The following TSPEAR variants were observed in gnomAD, a reference collection of about 807,000 sequenced individuals.
The protein encoded by TSPEAR is thrombospondin-type laminin G domain and EAR repeat-containing protein.
A neutral mutation model predicts 71.6 loss-of-function variants in TSPEAR; 69 were observed. The observed-to-expected ratio is 0.96, with a 90% CI of 0.79 to 1.18. TSPEAR has a LOEUF of 1.18. TSPEAR is among the 50% of genes most tolerant of loss of function. TSPEAR has a pLI of 0.00. For missense variants in TSPEAR, 971 were observed against 894.9 expected (o/e 1.09, Z -1.09); for synonymous variants, 402 against 387.2 (o/e 1.04, Z -0.45).
At chr21:44,674,132 G>A (rs1555946476) in intron 1 of TSPEAR, among the ~76,000 whole-genome samples, 4 of 133,946 alleles carry the variant, frequency 3.0e-5, no homozygotes, top group African/African-American at 8.6e-5. Flanking sequence ...AAAAAAAAAA[G>A]TAGAAAGATT....
At chr21:44,646,631 G>A (rs782102764) in intron 1 of TSPEAR, 4 of 1,613,202 alleles carry the variant, frequency 2.5e-6, no homozygotes, top group Non-Finnish European at 3.4e-6. Context: ...AGCCCCTGCT[G>A]CCAGGCGGCC....
chr21:44,568,005 T>C lies in TSPEAR; in HGVS notation c.83A>G (p.Asp28Gly). The change falls in exon 2 of 12, where the codon GAC becomes GGC. Residue 28 changes from aspartate (D) to glycine (G), a missense_variant and splice_region_variant. Asp to Gly is a moderately conservative substitution (Grantham distance 94). Transcript: ENST00000323084. The stretch of plus-strand genomic sequence containing the variant: ...CGCCAGGATGTCCAGGGGGCGCAGG[T>C]CTGTGGCAAAGAAATCACAGGTGGG... ...HGTQGWEPCT[D>G]LRPLDILAEV... 3 of 1,514,316 alleles carry C rather than the reference T, an allele frequency of 2.0e-6. No homozygotes were observed. The highest frequency in any genetic ancestry group is 8.9e-7 in the Non-Finnish European group (1 of 1,127,036). The allele number at this position is 1,514,316 out of a possible 1,614,324, so 93.8% of individuals were successfully genotyped here.
intron 1 of TSPEAR, chr21:44,702,280 C>T (rs1601582846): frequency 1.2e-6 from 2 of 1,608,526 alleles, no homozygotes; most frequent in Admixed American, 1.7e-5. Flanking sequence ...CTGCTGCGAG[C>T]CCCCCTGCTG....
rs61407657 is a variant in TSPEAR, at chr21:44,606,163, C to CAAAAAA, written c.83-38164_83-38159dup. 4.5e-3 allele frequency among the ~76,000 whole-genome samples: 321 copies of CAAAAAA among 70,920 alleles called. 5 individuals carry two copies. The highest frequency in any genetic ancestry group is 0.013 in the African/African-American group (304 of 23,370). 46.5% of individuals were successfully genotyped at this position (70,920 alleles called of 152,430 possible). A position where few individuals can be genotyped will look rare whatever the true frequency, so the allele number is the denominator to read the frequency against. On this transcript the variant is annotated intron_variant, in intron 1 of 11. Coordinates refer to ENST00000323084, the MANE Select transcript of TSPEAR (RefSeq NM_144991.3). Reference sequence around the variant, plus strand: ...CTGGCAACAGAGCAAGACCCTGGCTCAAAAAAAAAAAAAAAAAAAACTACA... The same window carrying CAAAAAA: ...CTGGCAACAGAGCAAGACCCTGGCTCAAAAAAAAAAAAAAAAAAAAAAAAAACTACA...
chr21:44,579,228 C>A (rs1170578337), intron 1 of TSPEAR, among the ~76,000 whole-genome samples: 23 of 152,122 alleles, frequency 1.5e-4, no homozygotes, highest in Admixed American at 1.2e-3. Flanking sequence ...CAGCCCAGGG[C>A]ACGGCAGCCA....
intron 1 of TSPEAR, among the ~76,000 whole-genome samples, chr21:44,678,283 G>A (rs1410910896): frequency 6.6e-6 from 1 of 152,062 alleles, no homozygotes; most frequent in Non-Finnish European, 1.5e-5. Context: ...ATTTGATCAT[G>A]AGGGCCATTT....
chr21:44,652,599 T>C (rs757657264), intron 1 of TSPEAR, among the ~76,000 whole-genome samples: 3 of 152,184 alleles, frequency 2.0e-5, no homozygotes, highest in Admixed American at 6.5e-5. Context: ...CGTTGAAAGA[T>C]ACTAGGTAGG....
intron 6 of TSPEAR, 71 bp from the exon 7 acceptor site, chr21:44,527,589 C>A (rs782799477): frequency 3.4e-5 from 51 of 1,485,828 alleles, no homozygotes; most frequent in Non-Finnish European, 4.6e-5. Context: ...CTCGCGGGAG[C>A]GCGATTCCCA....
At position 44,658,085 on chromosome 21, in the gene TSPEAR, A is replaced by C. The variant is rs782481307; in HGVS notation, c.82+53348T>G. On this transcript the variant is annotated intron_variant, in intron 1 of 11. Transcript: ENST00000323084. ...CGTGAGCTGCCAGTCCTCCGTGTGC[A>C]TGCCCGTGAGCTGCACGCGCATTGT... The C allele has an allele frequency of 1.2e-6, 2 of 1,613,548 alleles. No individual in the cohort carries two copies. The highest frequency in any genetic ancestry group is 2.2e-5 in the South Asian group (2 of 91,020).
At chr21:44,697,774 C>T (rs543873004) in intron 1 of TSPEAR, 10 of 1,613,916 alleles carry the variant, frequency 6.2e-6, no homozygotes, top group Non-Finnish European at 8.5e-6. Flanking sequence ...GCTGCAGACC[C>T]TCCTCCTCCG....
intron 1 of TSPEAR, chr21:44,601,900 G>T: frequency 1.0e-6 from 1 of 995,050 alleles, no homozygotes; most frequent in South Asian, 1.8e-5. Flanking sequence ...CAGCTCAGCT[G>T]TTTCTCCAAG....
rs1009633920 is a variant in TSPEAR at position 44,610,820 on chromosome 21, A to G, written c.83-42815T>C. On this transcript the variant is annotated intron_variant, in intron 1 of 11. Coordinates refer to ENST00000323084, the MANE Select transcript of TSPEAR (RefSeq NM_144991.3). Reference sequence around the variant, plus strand: ...GGGTGGAGCTGTCCGAGACCATGGGAACCCACCTCTTGCATCATTATGACC... The same window carrying G: ...GGGTGGAGCTGTCCGAGACCATGGGGACCCACCTCTTGCATCATTATGACC... 2.0e-5 allele frequency among the ~76,000 whole-genome samples: 3 copies of G among 152,206 alleles called. No individual in the cohort carries two copies. The South Asian group carries it at 6.2e-4, about 31-fold the overall frequency.
intron 1 of TSPEAR, among the ~76,000 whole-genome samples, chr21:44,613,273 A>G (rs1371444069): frequency 3.9e-5 from 6 of 152,162 alleles, no homozygotes; most frequent in African/African-American, 1.4e-4. Context: ...TCCAGCCATG[A>G]CCGTTTCTAG....
At chr21:44,524,812 A>C (rs1250447996) in intron 8 of TSPEAR, among the ~76,000 whole-genome samples, 1 of 150,426 alleles carries the variant, frequency 6.6e-6, no homozygotes, top group Non-Finnish European at 1.5e-5. Flanking sequence ...ATTCAGATAG[A>C]CAGTCAGGTA....
At chr21:44,659,281 TCCTAA>T (rs1985352729) in intron 1 of TSPEAR, among the ~76,000 whole-genome samples, 1 of 138,354 alleles carries the variant, frequency 7.2e-6, no homozygotes, top group African/African-American at 2.8e-5. Flanking sequence ...CCACCCCTCA[TCCTAA>T]GCACAAGCAC....
rs150335415 is a variant in TSPEAR, at chr21:44,561,324, A to G, written c.303+6461T>C. ...TGAATAGATTATAGCAAGTTCTGAA[A>G]TTGAGGCAGTAATTAATAGTCTACC... On this transcript the variant is annotated intron_variant, in intron 2 of 11. Coordinates refer to ENST00000323084, the MANE Select transcript of TSPEAR (RefSeq NM_144991.3). Among the ~76,000 whole-genome samples, 738 of 152,342 alleles carry G rather than the reference A, an allele frequency of 4.8e-3. 2 individuals carry two copies. Among genetic ancestry groups the G allele is most frequent in the African/African-American group, 0.017 (694 of 41,578 alleles).
chr21:44,647,264 G>A (rs587623883), intron 1 of TSPEAR: 3 of 1,601,940 alleles, frequency 1.9e-6, no homozygotes, highest in Non-Finnish European at 2.6e-6. Flanking sequence ...AGCTGCTGCC[G>A]CCCGGCCTCC....
At chr21:44,503,885 G>T (rs1219007512) in intron 11 of TSPEAR, among the ~76,000 whole-genome samples, 1 of 142,340 alleles carries the variant, frequency 7.0e-6, no homozygotes, top group African/African-American at 2.9e-5. Context: ...TGAGCCCACA[G>T]GGGGGAAGCA....
In TSPEAR at chr21:44,572,531, C is replaced by T. The variant is rs587595514; in HGVS notation, c.83-4526G>A. Among the ~76,000 whole-genome samples, 17 of 152,120 alleles carry T rather than the reference C, an allele frequency of 1.1e-4. No homozygotes were observed. In the South Asian group the frequency reaches 2.9e-3, roughly 26 times the overall value. On this transcript the variant is annotated intron_variant, in intron 1 of 11. Transcript: ENST00000323084. ...GGCACCTGCTGTCCTGTGCTACCCT[C>T]GCCACCCCCCATGCTCCACCTGCCC...
Sources: gnomAD v4.1 joint callset for allele counts (sites outside exome capture counted in the v4.1 genomes callset) on GRCh38, gnomAD v4.1.1 for gene constraint, MANE v1.5 for transcripts, NCBI Gene and HGNC (gene_info 2026-07-23, HGNC 2026-07-21) for gene names.